Variants in LAMC1 observed in about 807,000 individuals in gnomAD.
LAMC1 encodes the protein laminin subunit gamma-1.
Under a neutral mutation model 173.6 loss-of-function variants are expected in LAMC1, and 38 were observed. The observed-to-expected ratio is 0.22, with a 90% CI of 0.17 to 0.29. The LOEUF (loss-of-function observed/expected upper bound fraction) is 0.29, where lower values mean the gene tolerates loss of function less well. Ranked by LOEUF, LAMC1 falls within the 10% of genes least tolerant of loss-of-function variation. The probability of loss-of-function intolerance (pLI) is 1.00; values close to 1 mark genes in which losing one functional copy is unlikely to be tolerated. For synonymous variants in LAMC1, 746 were observed against 749.1 expected (o/e 1.00, Z 0.07); for missense variants, 1,824 against 2,051.8 (o/e 0.89, Z 2.14).
Position 183,144,352 on chromosome 1 carries a change from C to T in LAMC1, c.*1562C>T, listed in dbSNP as rs1657199324. On this transcript the variant is annotated 3_prime_UTR_variant, in exon 28 of 28. Coordinates refer to ENST00000258341, the MANE Select transcript of LAMC1 (RefSeq NM_002293.4). ...AGGAATTTATGTAAATATACTTAGT[C>T]CTATTTCTAGAATGACACTCTGTTC... 6.6e-6 allele frequency: 1 copy of T among 152,386 alleles called. No homozygotes were observed. 9.4% of individuals were successfully genotyped at this position (152,386 alleles called of 1,614,324 possible). A position where few individuals can be genotyped will look rare whatever the true frequency, so the allele number is the denominator to read the frequency against.
intron 1 of LAMC1, among the ~76,000 whole-genome samples, chr1:183,084,220 G>A (rs979665556): frequency 8.5e-5 from 13 of 152,098 alleles, no homozygotes; most frequent in Non-Finnish European, 1.3e-4. Flanking sequence ...CGGGCCGCCC[G>A]TAGTCCCAGC....
intron 1 of LAMC1, among the ~76,000 whole-genome samples, chr1:183,025,252 G>T (rs1377861587): frequency 6.6e-6 from 1 of 152,124 alleles, no homozygotes; most frequent in Admixed American, 6.5e-5. Context: ...TAGGCAAATG[G>T]TTCTTTTGAT....
chr1:183,141,911 G>T (rs575767022), intron 27 of LAMC1, among the ~76,000 whole-genome samples: 1 of 152,314 alleles, frequency 6.6e-6, no homozygotes, highest in South Asian at 2.1e-4. Context: ...GCTGTCTATT[G>T]TGTCTGCTTT....
At chr1:183,027,973 A>C (rs1233322395) in intron 1 of LAMC1, among the ~76,000 whole-genome samples, 1 of 152,180 alleles carries the variant, frequency 6.6e-6, no homozygotes, top group African/African-American at 2.4e-5. Context: ...TTTCAACTTG[A>C]GAAGTTAAGG....
At chr1:183,078,853 A>G (rs1655186646) in intron 1 of LAMC1, among the ~76,000 whole-genome samples, 1 of 152,102 alleles carries the variant, frequency 6.6e-6, no homozygotes, top group Non-Finnish European at 1.5e-5. Flanking sequence ...TCTACTAAAA[A>G]TACAAAAAAA....
At chr1:183,132,176 C>T (rs551749789) in intron 20 of LAMC1, among the ~76,000 whole-genome samples, 17 of 152,206 alleles carry the variant, frequency 1.1e-4, no homozygotes, top group African/African-American at 4.1e-4. Context: ...GCGTGTAATA[C>T]CAGCTACTCA....
In LAMC1 at chr1:183,134,656, A is replaced by G. The variant is rs745537270; in HGVS notation, c.3850-4A>G. ...AGTGTAGTGATCTTACTTGCTTTTC[A>G]CAGAATGAAGCAAATAACATAAAGA... On this transcript the variant is annotated splice_polypyrimidine_tract_variant and splice_region_variant and intron_variant, in intron 22 of 27. Transcript: ENST00000258341. 6.2e-7 allele frequency: 1 copy of G among 1,606,000 alleles called. No homozygotes were observed.
chr1:183,137,857 G>A (rs1656991496), intron 26 of LAMC1, 30 bp downstream of exon 26: 1 of 1,568,802 alleles, frequency 6.4e-7, no homozygotes. Flanking sequence ...TTGCTCATTG[G>A]CAGAAAGTGA....
At chr1:183,139,006 A>G (rs891065701) in intron 26 of LAMC1, among the ~76,000 whole-genome samples, 1 of 152,092 alleles carries the variant, frequency 6.6e-6, no homozygotes, top group Admixed American at 6.6e-5. Flanking sequence ...ATGAGCCAAG[A>G]TCACTCCACC....
intron 1 of LAMC1, among the ~76,000 whole-genome samples, chr1:183,063,277 T>C (rs1654786028): frequency 2.6e-5 from 4 of 151,706 alleles, no homozygotes. Flanking sequence ...TTCAGCAAGA[T>C]AGGCAAGTTC....
At chr1:183,095,412 T>C (rs1655668961) in intron 1 of LAMC1, among the ~76,000 whole-genome samples, 1 of 152,228 alleles carries the variant, frequency 6.6e-6, no homozygotes, top group South Asian at 2.1e-4. Context: ...TATATGAATA[T>C]CACAGAACAA....
At chr1:183,091,140 A>G (rs996300156) in intron 1 of LAMC1, among the ~76,000 whole-genome samples, 7 of 152,262 alleles carry the variant, frequency 4.6e-5, no homozygotes, top group East Asian at 3.9e-4. Context: ...TAGTAGAGAA[A>G]AAATTCAAAC....
At chr1:183,065,194 A>G (rs576541480) in intron 1 of LAMC1, among the ~76,000 whole-genome samples, 1 of 152,324 alleles carries the variant, frequency 6.6e-6, no homozygotes, top group Non-Finnish European at 1.5e-5. Flanking sequence ...ATACGGTACT[A>G]TAATTTATAG....
At chr1:183,115,686 C>A in intron 6 of LAMC1, 49 bp downstream of exon 6, 3 of 1,172,516 alleles carry the variant, frequency 2.6e-6, no homozygotes, top group South Asian at 2.4e-5. Context: ...TATATATAGT[C>A]AACACATATT....
rs574374812 is a variant in LAMC1 at position 183,024,267 on chromosome 1, A to G, written c.418+133A>G. On this transcript the variant is annotated intron_variant, in intron 1 of 27. Transcript: ENST00000258341. ...CTCTCTGTTCCCCGGCATGGGCCACACAGAAACTCCTTTCTCCAACTTCTT... is the reference window on the plus strand; with the variant it reads ...CTCTCTGTTCCCCGGCATGGGCCACGCAGAAACTCCTTTCTCCAACTTCTT... 3.6e-4 allele frequency: 293 copies of G among 825,252 alleles called. 1 individual carries two copies. The African/African-American group carries it at 4.6e-3, about 13-fold the overall frequency. The allele number at this position is 825,252 out of a possible 1,614,324, so 51.1% of individuals were successfully genotyped here.
At chr1:183,108,489 T>A in intron 3 of LAMC1, 83 bp downstream of exon 3, 1 of 1,216,538 alleles carries the variant, frequency 8.2e-7, no homozygotes, top group Non-Finnish European at 1.2e-6. Context: ...ACAACTATGT[T>A]AATACCGTTG....
chr1:183,095,825 G>A (rs1409786109), intron 1 of LAMC1, among the ~76,000 whole-genome samples: 1 of 152,134 alleles, frequency 6.6e-6, no homozygotes, highest in African/African-American at 2.4e-5. Flanking sequence ...TTTTTGGTGA[G>A]TATATCAAAT....
intron 2 of LAMC1, 106 bp from the exon 3 acceptor site, chr1:183,108,170 G>A (rs959096602): frequency 9.7e-5 from 101 of 1,041,088 alleles, no homozygotes; most frequent in South Asian, 6.8e-5. Flanking sequence ...TAAAGAGGGC[G>A]TAAGTTAAAT....
At chr1:183,122,852 C>T (rs1656515310) in intron 13 of LAMC1, among the ~76,000 whole-genome samples, 1 of 152,104 alleles carries the variant, frequency 6.6e-6, no homozygotes, top group Admixed American at 6.5e-5. Flanking sequence ...CAAATCAGCT[C>T]CTGGTAGGCC....
Sources: gnomAD v4.1 joint callset for allele counts (sites outside exome capture counted in the v4.1 genomes callset) on GRCh38, gnomAD v4.1.1 for gene constraint, MANE v1.5 for transcripts, NCBI Gene and HGNC (gene_info 2026-07-23, HGNC 2026-07-21) for gene names.